Variants in VAV3 observed in about 807,000 individuals in gnomAD.
VAV3 encodes vav guanine nucleotide exchange factor 3.
A neutral mutation model predicts 131.2 loss-of-function variants in VAV3; 94 were observed. The observed-to-expected ratio is 0.72, with a 90% CI of 0.61 to 0.85. VAV3 has a LOEUF of 0.85. Ranked by LOEUF, VAV3 falls within the 40% of genes least tolerant of loss-of-function variation. The pLI is 0.00. For missense variants in VAV3, 939 were observed against 1,002.7 expected (o/e 0.94, Z 0.86); for synonymous variants, 349 against 342.0 (o/e 1.02, Z -0.22).
chr1:107,791,421 T>G (rs1666282019), intron 2 of VAV3, among the ~76,000 whole-genome samples: 1 of 149,270 alleles, frequency 6.7e-6, no homozygotes, highest in Admixed American at 6.7e-5. Context: ...GTTCAGGTGA[T>G]AGAGTACACA....
intron 1 of VAV3, among the ~76,000 whole-genome samples, chr1:107,939,470 A>C (rs1379936866): frequency 6.6e-6 from 1 of 152,206 alleles, no homozygotes; most frequent in Non-Finnish European, 1.5e-5. Context: ...GGCAGCAAGC[A>C]AAACCTCCCA....
At chr1:107,589,150 A>C (rs967972704) in intron 25 of VAV3, among the ~76,000 whole-genome samples, 8 of 152,236 alleles carry the variant, frequency 5.3e-5, no homozygotes, top group African/African-American at 1.7e-4. Context: ...ATTTTAGAGA[A>C]AAGTTTAAAA....
At chr1:107,660,886 C>G (rs1476892562) in intron 19 of VAV3, among the ~76,000 whole-genome samples, 3 of 151,946 alleles carry the variant, frequency 2.0e-5, no homozygotes, top group Non-Finnish European at 4.4e-5. Context: ...GAAGCACAAA[C>G]CAAAAGGACA....
chr1:107,662,119 G>A (rs986516314), intron 19 of VAV3, among the ~76,000 whole-genome samples: 2 of 152,058 alleles, frequency 1.3e-5, no homozygotes, highest in Non-Finnish European at 2.9e-5. Context: ...TATTTAAAGA[G>A]GCTGTGTTAT....
Position 107,751,186 on chromosome 1 carries a change from A to G in VAV3, c.1190T>C (p.Leu397Pro), listed in dbSNP as rs373482800. The change falls in exon 13 of 27, where the codon CTT (leucine) becomes CCT (proline). Residue 397 changes from leucine to proline, a missense_variant. Physicochemically the swap from Leu to Pro is moderately conservative, Grantham distance 98 (BLOSUM62 -3). Transcript: ENST00000370056. ...ACCATCTCCCTGAGGTCGTCCAAAA[A>G]GCAAAACTGGTTGGTTCTAAAATAT... is the stretch of plus-strand genomic sequence containing the variant. ...SIENLNQPVL[L>P]FGRPQGDGEI... 40 of 1,612,728 alleles carry G rather than the reference A, an allele frequency of 2.5e-5. No individual in the cohort carries two copies. The highest frequency in any genetic ancestry group is 3.3e-5 in the Non-Finnish European group (39 of 1,179,558).
intron 1 of VAV3, among the ~76,000 whole-genome samples, chr1:107,899,889 CTGTAT>C (rs1671774661): frequency 6.6e-6 from 1 of 152,134 alleles, no homozygotes; most frequent in Non-Finnish European, 1.5e-5. Context: ...TTACTTTGAT[CTGTAT>C]CTTAGCTGGG....
chr1:107,746,983 A>G (rs1663388828), intron 15 of VAV3, among the ~76,000 whole-genome samples: 1 of 151,954 alleles, frequency 6.6e-6, no homozygotes, highest in Admixed American at 6.6e-5. Flanking sequence ...AGGTTCAAAC[A>G]ATTCTCCTGC....
At chr1:107,579,782 CTT>C (rs1186249206) in intron 25 of VAV3, among the ~76,000 whole-genome samples, 2 of 152,192 alleles carry the variant, frequency 1.3e-5, no homozygotes, top group East Asian at 1.9e-4. Context: ...TCTGGCCACT[CTT>C]GTCTCTCTAA....
chr1:107,739,421 CA>C (rs748345792), intron 15 of VAV3, among the ~76,000 whole-genome samples: 36 of 152,164 alleles, frequency 2.4e-4, no homozygotes, highest in Non-Finnish European at 4.4e-4. Flanking sequence ...ACTTAACTGC[CA>C]ATTTTGAAAG....
chr1:107,818,710 A>G (rs898237221), intron 2 of VAV3, among the ~76,000 whole-genome samples: 1 of 152,232 alleles, frequency 6.6e-6, no homozygotes, highest in Non-Finnish European at 1.5e-5. Flanking sequence ...ATAATGTTTA[A>G]GACTATATAC....
At chr1:107,584,972 G>A (rs1570561083) in intron 25 of VAV3, among the ~76,000 whole-genome samples, 1 of 152,162 alleles carries the variant, frequency 6.6e-6, no homozygotes, top group African/African-American at 2.4e-5. Context: ...GAGATATAAT[G>A]AATAGGTACA....
intron 2 of VAV3, among the ~76,000 whole-genome samples, chr1:107,794,052 G>A (rs116521399): frequency 1.3e-4 from 20 of 152,334 alleles, no homozygotes; most frequent in African/African-American, 3.8e-4. Flanking sequence ...GATTAAATCC[G>A]GGCATTATTT....
At chr1:107,829,424 GA>G (rs1223743376) in intron 2 of VAV3, among the ~76,000 whole-genome samples, 2 of 152,086 alleles carry the variant, frequency 1.3e-5, no homozygotes, top group East Asian at 3.9e-4. Context: ...AAGTGTATTA[GA>G]ATTAATTCTG....
intron 8 of VAV3, 125 bp downstream of exon 8, chr1:107,766,322 G>A (rs946289841): frequency 1.8e-5 from 11 of 620,598 alleles, no homozygotes; most frequent in African/African-American, 1.1e-4. Context: ...ATTGTCCCAC[G>A]TTCTAATTAC....
At chr1:107,700,395 C>T (rs1017408568) in intron 17 of VAV3, among the ~76,000 whole-genome samples, 14 of 152,184 alleles carry the variant, frequency 9.2e-5, no homozygotes, top group Admixed American at 3.3e-4. Context: ...CACCTATCAA[C>T]GCATCACCTA....
intron 15 of VAV3, among the ~76,000 whole-genome samples, chr1:107,715,234 T>C (rs187626928): frequency 1.3e-5 from 2 of 152,316 alleles, no homozygotes; most frequent in East Asian, 3.9e-4. Flanking sequence ...CACTCAAATT[T>C]GTTCTGAAGA....
intron 2 of VAV3, among the ~76,000 whole-genome samples, chr1:107,834,309 T>A (rs1391468214): frequency 6.6e-6 from 1 of 152,156 alleles, no homozygotes; most frequent in African/African-American, 2.4e-5. Flanking sequence ...TCTGCTGTTG[T>A]CAAGTCATAA....
At chr1:107,757,211 T>C (rs775553714) in intron 11 of VAV3, 50 bp downstream of exon 11, 12 of 1,504,374 alleles carry the variant, frequency 8.0e-6, no homozygotes. Flanking sequence ...TTCCATTGTC[T>C]TTAGGCAAGA....
chr1:107,667,567 C>T (rs969312491), intron 19 of VAV3, among the ~76,000 whole-genome samples: 5 of 151,978 alleles, frequency 3.3e-5, no homozygotes, highest in African/African-American at 4.8e-5. Context: ...GTGATGGTTT[C>T]GCTGATGATG....
Sources: gnomAD v4.1 joint callset for allele counts (sites outside exome capture counted in the v4.1 genomes callset) on GRCh38, gnomAD v4.1.1 for gene constraint, MANE v1.5 for transcripts, NCBI Gene and HGNC (gene_info 2026-07-23, HGNC 2026-07-21) for gene names.